Variants in MPC1 observed in about 807,000 individuals in gnomAD.
MPC1 encodes the protein HSPC040 protein.
A neutral mutation model predicts 13.9 loss-of-function variants in MPC1; 6 were observed. The observed-to-expected ratio is 0.43, with a 90% CI of 0.24 to 0.85. MPC1 has a LOEUF of 0.85. Ranked by LOEUF, MPC1 falls within the 40% of genes least tolerant of loss-of-function variation. The pLI is 0.24. For missense variants in MPC1, 115 were observed against 143.3 expected, an observed-to-expected ratio of 0.80 and a Z score of 1.01; for synonymous variants, 47 against 50.5, an observed-to-expected ratio of 0.93 and a Z score of 0.29.
chr6:166,381,758 GAAC>G (rs758292316), intron 1 of MPC1: 2 of 954,234 alleles, frequency 2.1e-6, no homozygotes, highest in Non-Finnish European at 2.5e-6. Flanking sequence ...ACAGAAAATA[GAAC>G]AAGAAGAAAA....
rs1292017213 is a variant in MPC1 at position 166,366,060 on chromosome 6, T to C, written c.219A>G (p.Val73=). 6.2e-7 allele frequency: 1 copy of C among 1,614,136 alleles called. No individual in the cohort carries two copies. Among genetic ancestry groups the C allele is most frequent in the Admixed American group, 1.7e-5 (1 of 60,012 alleles). ...SLTFMRFAYK[V]QPRNWLLFAC... is the part of the protein sequence containing the mutation. ...CAAACAGAAGCCAGTTCCGAGGCTG[T>C]ACCTTGTAGGCAAATCTCATGAATG... The change falls in exon 4 of 5, where the codon GTA becomes GTG. Residue 73 remains valine, a synonymous_variant. Transcript: ENST00000360961.
At chr6:166,369,499 T>G (rs1186861988) in intron 2 of MPC1, 2 of 158,354 alleles carry the variant, frequency 1.3e-5, no homozygotes, top group African/African-American at 4.8e-5. Context: ...CATACACTTA[T>G]GACTGTAAGT....
At chr6:166,379,595 T>A (rs933794913) in intron 1 of MPC1, among the ~76,000 whole-genome samples, 3 of 152,212 alleles carry the variant, frequency 2.0e-5, no homozygotes, top group Non-Finnish European at 4.4e-5. Flanking sequence ...AAATATGATT[T>A]TAAATTTATG....
At chr6:166,376,511 GC>G (rs1397643013) in intron 1 of MPC1, among the ~76,000 whole-genome samples, 3 of 152,176 alleles carry the variant, frequency 2.0e-5, no homozygotes, top group Non-Finnish European at 2.9e-5. Context: ...ATTTAATGAT[GC>G]CCACTTACAC....
rs533889252 is a variant in MPC1 at position 166,368,863 on chromosome 6, C to T, written c.75+1355G>A. ...CTTGGTCTATTTTCATCTCCTTTTC[C>T]GTTTACTCTCTTGCCACTCCTCTGC... On this transcript the variant is annotated intron_variant, in intron 2 of 4. Coordinates refer to ENST00000360961, the MANE Select transcript of MPC1 (RefSeq NM_016098.4). The T allele has an allele frequency of 4.8e-5, 47 of 985,490 alleles. No homozygotes were observed. The African/African-American group carries it at 5.9e-4, about 12-fold the overall frequency. 61.0% of individuals were successfully genotyped at this position (985,490 alleles called of 1,614,324 possible). A position where few individuals can be genotyped will look rare whatever the true frequency, so the allele number is the denominator to read the frequency against.
chr6:166,381,371 G>A (rs948931248), intron 1 of MPC1, among the ~76,000 whole-genome samples: 7 of 152,224 alleles, frequency 4.6e-5, no homozygotes, highest in Admixed American at 4.6e-4. Context: ...AAAAGTAGAA[G>A]TAAACAGTAT....
Position 166,365,178 on chromosome 6 carries a change from C to A in MPC1, c.*251G>T, listed in dbSNP as rs1779103961. On this transcript the variant is annotated 3_prime_UTR_variant, in exon 5 of 5. Transcript: ENST00000360961. The surrounding 1 kb of genome is among the most constrained non-coding windows in gnomAD (Gnocchi z 4.2). ...GATATACATATTACTGCAGATAAAACCATCATCAGAAATTATTAAATTAAT... is the reference window on the plus strand; with the variant it reads ...GATATACATATTACTGCAGATAAAAACATCATCAGAAATTATTAAATTAAT... 8.4e-6 allele frequency: 3 copies of A among 356,108 alleles called. No individual in the cohort carries two copies. Among genetic ancestry groups the A allele is most frequent in the African/African-American group, 2.1e-5 (1 of 47,396 alleles). 22.1% of individuals were successfully genotyped at this position (356,108 alleles called of 1,614,324 possible). A position where few individuals can be genotyped will look rare whatever the true frequency, so the allele number is the denominator to read the frequency against.
At chr6:166,366,744 G>T in intron 3 of MPC1, 51 bp downstream of exon 3, 1 of 1,536,092 alleles carries the variant, frequency 6.5e-7, no homozygotes, top group South Asian at 1.1e-5. Flanking sequence ...ATGCAAGCAG[G>T]AGCTCTACTA....
At chr6:166,375,842 A>T (rs533830534) in intron 1 of MPC1, among the ~76,000 whole-genome samples, 4 of 152,298 alleles carry the variant, frequency 2.6e-5, no homozygotes, top group South Asian at 2.1e-4. Flanking sequence ...GAGCTTGAGA[A>T]GAATGTGTAT....
intron 1 of MPC1, among the ~76,000 whole-genome samples, chr6:166,372,273 A>T (rs1779408764): frequency 6.6e-6 from 1 of 152,234 alleles, no homozygotes; most frequent in African/African-American, 2.4e-5. Context: ...CGTACTTACA[A>T]TGTGAAGTTT....
chr6:166,380,939 C>CAA (rs1175434820), intron 1 of MPC1, among the ~76,000 whole-genome samples: 849 of 46,536 alleles, frequency 0.018, 14 homozygotes, highest in African/African-American at 0.021. Context: ...AACTCTGTCT[C>CAA]AAAAAAAAAA....
chr6:166,377,641 A>G lies in MPC1; in HGVS notation c.71+5165T>C, dbSNP rs73045880. On this transcript the variant is annotated intron_variant, in intron 1 of 4. Coordinates refer to ENST00000360961, the MANE Select transcript of MPC1 (RefSeq NM_016098.4). ...GAGATATTTTAGATCATAATTCTAC[A>G]GTTTGCTGAAATTTATTCTTACCAA... 8.1e-3 allele frequency among the ~76,000 whole-genome samples: 1,229 copies of G among 152,346 alleles called. 12 individuals are homozygous for G. Among genetic ancestry groups the G allele is most frequent in the Non-Finnish European group, 0.014 (944 of 68,028 alleles).
chr6:166,368,328 C>T (rs1276064879), intron 2 of MPC1, among the ~76,000 whole-genome samples: 2 of 152,090 alleles, frequency 1.3e-5, no homozygotes, highest in African/African-American at 2.4e-5. Context: ...GAGGCTGAGG[C>T]GGGTGGATCA....
intron 1 of MPC1, among the ~76,000 whole-genome samples, chr6:166,377,756 AGTCAGCTGAAT>A (rs1779622936): frequency 6.6e-6 from 1 of 152,314 alleles, no homozygotes; most frequent in South Asian, 2.1e-4. Flanking sequence ...GCGAGCCAAA[AGTCAGCTGAAT>A]GACAGTAAAG....
chr6:166,380,572 G>C (rs1779729059), intron 1 of MPC1, among the ~76,000 whole-genome samples: 1 of 152,130 alleles, frequency 6.6e-6, no homozygotes, highest in Non-Finnish European at 1.5e-5. Context: ...CCATTTAGTA[G>C]AAGAAAATAT....
intron 1 of MPC1, 70 bp downstream of exon 1, chr6:166,382,736 C>T: frequency 1.4e-6 from 2 of 1,460,322 alleles, no homozygotes; most frequent in Non-Finnish European, 9.1e-7. Flanking sequence ...GCCCTCGTCG[C>T]GGACTGCACG....
At chr6:166,378,782 T>C (rs868414580) in intron 1 of MPC1, among the ~76,000 whole-genome samples, 18 of 152,140 alleles carry the variant, frequency 1.2e-4, no homozygotes, top group Middle Eastern at 3.4e-3. Flanking sequence ...AAAAAGAGAG[T>C]ACCAGAAATC....
At chr6:166,382,209 C>T (rs1779815775) in intron 1 of MPC1, among the ~76,000 whole-genome samples, 1 of 152,242 alleles carries the variant, frequency 6.6e-6, no homozygotes, top group Non-Finnish European at 1.5e-5. Context: ...GGTCACCCTG[C>T]CCTGAGGGGC....
intron 2 of MPC1, chr6:166,369,491 T>C (rs1779293874): frequency 6.3e-6 from 1 of 157,578 alleles, no homozygotes; most frequent in South Asian, 1.9e-4. Context: ...GAACTATACA[T>C]ACACTTATGA....
Sources: gnomAD v4.1 joint callset for allele counts (sites outside exome capture counted in the v4.1 genomes callset) on GRCh38, gnomAD v4.1.1 for gene constraint, Gnocchi (gnomAD v3.1) non-coding constraint, MANE v1.5 for transcripts, NCBI Gene and HGNC (gene_info 2026-07-23, HGNC 2026-07-21) for gene names.